ROCK1: variants seen among roughly 807,000 people sequenced by gnomAD.
ROCK1 encodes rho-associated protein kinase 1.
Under a neutral mutation model 196.8 loss-of-function variants are expected in ROCK1, and 36 were observed. That is an observed-to-expected ratio of 0.18 (90% CI 0.14 to 0.24). ROCK1 has a LOEUF of 0.24. Ranked by LOEUF, ROCK1 falls within the 10% of genes least tolerant of loss-of-function variation. The probability of loss-of-function intolerance (pLI) is 1.00; values close to 1 mark genes in which losing one functional copy is unlikely to be tolerated. For synonymous variants in ROCK1, 443 were observed against 515.9 expected (o/e 0.86, Z 1.91); for missense variants, 920 against 1,562.0 (o/e 0.59, Z 6.93).
At chr18:21,033,321 A>C (rs2036026542) in intron 9 of ROCK1, among the ~76,000 whole-genome samples, 1 of 152,218 alleles carries the variant, frequency 6.6e-6, no homozygotes, top group Non-Finnish European at 1.5e-5. Context: ...CAAGGACTAG[A>C]GAGGAACTTC....
chr18:21,009,522 C>T (rs1213537321), intron 13 of ROCK1, among the ~76,000 whole-genome samples: 2 of 152,076 alleles, frequency 1.3e-5, no homozygotes, highest in African/African-American at 2.4e-5. Flanking sequence ...CATTAGTATA[C>T]AGGTTTTTGT....
In ROCK1 at chr18:21,042,747, T is replaced by C. The variant is rs779886913; in HGVS notation, c.676-38A>G. On this transcript the variant is annotated intron_variant, in intron 6 of 32. Coordinates refer to ENST00000399799, the MANE Select transcript of ROCK1 (RefSeq NM_005406.3). ...GCAGGTCAAATTTTGAATTAGGATA[T>C]AAAGTCTCAATTATTTAAAATGACT... is the stretch of plus-strand genomic sequence containing the variant. 27 of 1,570,614 alleles carry C rather than the reference T, an allele frequency of 1.7e-5. 1 individual carries two copies. The highest frequency in any genetic ancestry group is 1.4e-4 in the East Asian group (6 of 44,132).
At chr18:20,973,160 T>C (rs1460128257) in intron 22 of ROCK1, among the ~76,000 whole-genome samples, 1 of 152,194 alleles carries the variant, frequency 6.6e-6, no homozygotes, top group African/African-American at 2.4e-5. Context: ...ATTACAGGCG[T>C]GAGCCACCAC....
intron 27 of ROCK1, 93 bp from the exon 28 acceptor site, chr18:20,960,299 A>G: frequency 1.3e-6 from 1 of 769,354 alleles, no homozygotes; most frequent in South Asian, 1.5e-5. Flanking sequence ...GCAACAAGCA[A>G]TTGAACACAA....
chr18:21,099,917 T>C (rs1013529131), intron 1 of ROCK1, among the ~76,000 whole-genome samples: 3 of 151,938 alleles, frequency 2.0e-5, no homozygotes, highest in African/African-American at 7.3e-5. Flanking sequence ...ATGCCTGTAG[T>C]CCCAGCTACT....
intron 32 of ROCK1, among the ~76,000 whole-genome samples, chr18:20,952,655 A>G (rs1368695587): frequency 3.3e-5 from 5 of 151,418 alleles, no homozygotes; most frequent in African/African-American, 1.2e-4. Flanking sequence ...TGCGTCTGTA[A>G]TCCCCGCTAC....
At chr18:21,089,306 C>G (rs527982465) in intron 1 of ROCK1, among the ~76,000 whole-genome samples, 5 of 152,188 alleles carry the variant, frequency 3.3e-5, no homozygotes, top group Non-Finnish European at 5.9e-5. Context: ...GCAATCCACC[C>G]GCCTTGGCCT....
At chr18:20,955,508 A>C (rs1212839081) in intron 29 of ROCK1, 1 of 309,972 alleles carries the variant, frequency 3.2e-6, no homozygotes. Context: ...GAAACATAAA[A>C]TTACACAGCC....
In ROCK1 at chr18:21,021,811, G is replaced by T. The variant is rs2035915244; in HGVS notation, c.1273-1572C>A. Among the ~76,000 whole-genome samples the T allele has an allele frequency of 3.3e-5, 5 of 152,168 alleles. No individual in the cohort carries two copies. The South Asian group carries it at 1.0e-3, about 32-fold the overall frequency. Reference sequence around the variant, plus strand: ...CTTTGAATATTTTTGAAGGCCGAAGGCACTTCTAACTCTACAGTCAAGTAA... The same window carrying T: ...CTTTGAATATTTTTGAAGGCCGAAGTCACTTCTAACTCTACAGTCAAGTAA... On this transcript the variant is annotated intron_variant, in intron 11 of 32. Coordinates refer to ENST00000399799, the MANE Select transcript of ROCK1 (RefSeq NM_005406.3).
chr18:21,057,922 G>A (rs149351868), intron 2 of ROCK1, among the ~76,000 whole-genome samples: 1 of 151,972 alleles, frequency 6.6e-6, no homozygotes, highest in East Asian at 1.9e-4. Flanking sequence ...ATACAATGTG[G>A]GACCAAGATA....
At chr18:21,101,199 A>C (rs2036656658) in intron 1 of ROCK1, among the ~76,000 whole-genome samples, 1 of 152,236 alleles carries the variant, frequency 6.6e-6, no homozygotes, top group Non-Finnish European at 1.5e-5. Context: ...TACAGTTAAT[A>C]AATGTGAAAG....
At chr18:21,050,586 G>A (rs1459493376) in intron 2 of ROCK1, among the ~76,000 whole-genome samples, 1 of 152,032 alleles carries the variant, frequency 6.6e-6, no homozygotes, top group Non-Finnish European at 1.5e-5. Flanking sequence ...GTCAACACTG[G>A]CATGAGATTA....
intron 1 of ROCK1, 25 bp from the exon 2 acceptor site, chr18:21,070,638 T>G (rs1409814752): frequency 6.6e-6 from 10 of 1,511,882 alleles, no homozygotes; most frequent in Non-Finnish European, 8.2e-6. Flanking sequence ...AAACAATGGT[T>G]AGTTTTTTGG....
At chr18:21,047,651 G>A (rs956070997) in intron 4 of ROCK1, among the ~76,000 whole-genome samples, 2 of 151,868 alleles carry the variant, frequency 1.3e-5, no homozygotes, top group South Asian at 2.1e-4. Context: ...AATAATAGCC[G>A]GGCGTGGTGG....
intron 16 of ROCK1, among the ~76,000 whole-genome samples, chr18:20,993,978 C>A (rs1333571432): frequency 6.6e-6 from 1 of 152,186 alleles, no homozygotes; most frequent in African/African-American, 2.4e-5. Flanking sequence ...GTTTGACTTA[C>A]TGTACTTGTC....
intron 1 of ROCK1, among the ~76,000 whole-genome samples, chr18:21,106,053 A>T (rs1309697547): frequency 6.6e-6 from 1 of 152,200 alleles, no homozygotes; most frequent in Admixed American, 6.5e-5. Context: ...AAACTCCCTA[A>T]TAAGAAATAG....
intron 13 of ROCK1, among the ~76,000 whole-genome samples, chr18:21,010,432 A>G (rs1208784591): frequency 1.3e-5 from 2 of 152,380 alleles, no homozygotes; most frequent in South Asian, 2.1e-4. Flanking sequence ...ATAAAGAGCC[A>G]TAACAGTTTT....
intron 22 of ROCK1, among the ~76,000 whole-genome samples, chr18:20,979,046 C>T (rs2035506249): frequency 6.6e-6 from 1 of 152,076 alleles, no homozygotes; most frequent in Non-Finnish European, 1.5e-5. Flanking sequence ...TATCTTGTTG[C>T]GCCTGTCAGC....
chr18:21,086,566 G>C (rs2036529884), intron 1 of ROCK1, among the ~76,000 whole-genome samples: 1 of 151,918 alleles, frequency 6.6e-6, no homozygotes, highest in Non-Finnish European at 1.5e-5. Context: ...TGTATCACTG[G>C]ATGCCCAGAA....
Sources: allele counts gnomAD v4.1 joint callset (sites outside exome capture counted in the v4.1 genomes callset), GRCh38; gene constraint gnomAD v4.1.1; transcripts MANE v1.5; gene names NCBI Gene and HGNC (gene_info 2026-07-23, HGNC 2026-07-21).